EPB41L1: variants seen among roughly 807,000 people sequenced by gnomAD.
EPB41L1 encodes band 4.1-like protein 1.
A neutral mutation model predicts 97.8 loss-of-function variants in EPB41L1; 29 were observed. The ratio of observed to expected loss-of-function variants is 0.30; its 90% CI spans 0.22 to 0.40. The LOEUF (loss-of-function observed/expected upper bound fraction) is 0.40. Ranked by LOEUF, EPB41L1 falls within the 10% of genes least tolerant of loss-of-function variation. EPB41L1 has a pLI of 1.00. For missense variants in EPB41L1, 812 were observed against 1,162.3 expected (o/e 0.70, Z 4.38); for synonymous variants, 383 against 459.2 (o/e 0.83, Z 2.12).
intron 2 of EPB41L1, among the ~76,000 whole-genome samples, chr20:36,135,836 TC>T (rs2059396597): frequency 6.6e-6 from 1 of 152,140 alleles, no homozygotes; most frequent in Non-Finnish European, 1.5e-5. Flanking sequence ...TGAGGTAGGT[TC>T]TCCCACAGGC....
At chr20:36,128,325 G>T (rs2147733317) in intron 2 of EPB41L1, among the ~76,000 whole-genome samples, 1 of 152,256 alleles carries the variant, frequency 6.6e-6, no homozygotes, top group South Asian at 2.1e-4. Context: ...ACTGAGGAGG[G>T]GCCCTAGGCT....
intron 11 of EPB41L1, among the ~76,000 whole-genome samples, chr20:36,192,934 C>A (rs955871193): frequency 6.6e-6 from 1 of 152,160 alleles, no homozygotes; most frequent in African/African-American, 2.4e-5. Context: ...GATACTTTGT[C>A]TGGTATATGA....
intron 17 of EPB41L1, among the ~76,000 whole-genome samples, chr20:36,217,601 G>A (rs1314866704): frequency 6.6e-6 from 1 of 152,188 alleles, no homozygotes; most frequent in African/African-American, 2.4e-5. Context: ...GAGGCTTTAA[G>A]GGAGAACTTC....
intron 2 of EPB41L1, among the ~76,000 whole-genome samples, chr20:36,131,870 T>G (rs2147761025): frequency 6.6e-6 from 1 of 152,252 alleles, no homozygotes; most frequent in East Asian, 1.9e-4. Flanking sequence ...CAAGAATATG[T>G]GGGAGGGGTG....
At chr20:36,214,215 AT>A in intron 16 of EPB41L1, 141 bp from the exon 17 acceptor site, 1 of 649,852 alleles carries the variant, frequency 1.5e-6, no homozygotes, top group South Asian at 1.8e-5. Context: ...CACCTCTGTG[AT>A]TTGGTCTGTG....
intron 2 of EPB41L1, among the ~76,000 whole-genome samples, chr20:36,113,982 C>G (rs951361675): frequency 6.6e-6 from 1 of 152,182 alleles, no homozygotes; most frequent in East Asian, 1.9e-4. Flanking sequence ...CATCAGTTTA[C>G]TGAAGGAGAC....
intron 21 of EPB41L1, among the ~76,000 whole-genome samples, chr20:36,226,111 T>A (rs1046080238): frequency 3.9e-5 from 6 of 152,174 alleles, no homozygotes. Context: ...CTTAATACAG[T>A]CAGACTCACT....
chr20:36,155,149 G>A (rs1392788716), intron 1 of EPB41L1: 1 of 460,436 alleles, frequency 2.2e-6, no homozygotes, highest in South Asian at 1.5e-5. Flanking sequence ...GATGAGCGGT[G>A]GGTGGGCGCT....
intron 2 of EPB41L1, among the ~76,000 whole-genome samples, chr20:36,138,549 A>G (rs1402214241): frequency 2.0e-5 from 3 of 152,232 alleles, no homozygotes. Flanking sequence ...GGCATGAGCC[A>G]CCACATCCAG....
chr20:36,174,278 T>G (rs560818847), intron 2 of EPB41L1, among the ~76,000 whole-genome samples: 3 of 151,810 alleles, frequency 2.0e-5, no homozygotes, highest in Admixed American at 6.6e-5. Context: ...CTTTTTTTTT[T>G]TTAATTGAGT....
chr20:36,220,747 A>C (rs2063732670), intron 19 of EPB41L1, among the ~76,000 whole-genome samples: 1 of 152,126 alleles, frequency 6.6e-6, no homozygotes, highest in African/African-American at 2.4e-5. Context: ...AAAGGAGGGA[A>C]GCCTTCCTGG....
At chr20:36,135,263 A>G (rs908692521) in intron 2 of EPB41L1, among the ~76,000 whole-genome samples, 3 of 152,102 alleles carry the variant, frequency 2.0e-5, no homozygotes, top group Admixed American at 1.3e-4. Context: ...GGTCATTCCC[A>G]TTGTACAGTT....
chr20:36,183,855 G>C (rs2061568099), intron 6 of EPB41L1, among the ~76,000 whole-genome samples: 1 of 152,116 alleles, frequency 6.6e-6, no homozygotes, highest in South Asian at 2.1e-4. Flanking sequence ...GCACACTGAG[G>C]CTGCACATAC....
At chr20:36,188,714 T>C (rs2061806710) in intron 9 of EPB41L1, among the ~76,000 whole-genome samples, 1 of 149,350 alleles carries the variant, frequency 6.7e-6, no homozygotes, top group Admixed American at 6.7e-5. Flanking sequence ...GTGCAGTGGC[T>C]CATGCCTGTA....
rs2062853565 is a variant in EPB41L1 at position 36,206,964 on chromosome 20, C to G, written c.1669-2524C>G. ...TCCCTCTGAATGTCAGGAAGCCAGT[C>G]AAACCAGACAGAGGCAACTTCCCAC... On this transcript the variant is annotated intron_variant, in intron 14 of 21. Coordinates refer to ENST00000338074, the MANE Select transcript of EPB41L1 (RefSeq NM_012156.2). This position sits in a 1 kb window ranked among gnomAD's most constrained non-coding sequence, Gnocchi z 5.5. 8 of 1,289,996 alleles carry G rather than the reference C, an allele frequency of 6.2e-6. No individual in the cohort carries two copies. The South Asian group carries it at 8.6e-5, about 14-fold the overall frequency. 79.9% of individuals were successfully genotyped at this position (1,289,996 alleles called of 1,614,324 possible). A position where few individuals can be genotyped will look rare whatever the true frequency, so the allele number is the denominator to read the frequency against.
rs1471272466 is a variant in EPB41L1, at chr20:36,214,342, T to G, written c.2185-15T>G. 1 of 1,612,306 alleles carries G rather than the reference T, an allele frequency of 6.2e-7. No individual in the cohort carries two copies. Among genetic ancestry groups the G allele is most frequent in the Admixed American group, 1.7e-5 (1 of 59,978 alleles). ...CCCAGCTCTCCCCAGCTCTAACGAC[T>G]CCTCCTCTGGTCAGCAGGTTGATGG... On this transcript the variant is annotated splice_polypyrimidine_tract_variant and intron_variant, in intron 16 of 21. Coordinates refer to ENST00000338074, the MANE Select transcript of EPB41L1 (RefSeq NM_012156.2).
intron 15 of EPB41L1, among the ~76,000 whole-genome samples, chr20:36,211,606 C>T (rs925010950): frequency 3.9e-5 from 6 of 151,970 alleles, no homozygotes; most frequent in African/African-American, 1.2e-4. Context: ...GTAATCCCAG[C>T]ACTTTGGGAG....
intron 14 of EPB41L1, among the ~76,000 whole-genome samples, chr20:36,198,454 T>A (rs1262759663): frequency 6.6e-6 from 1 of 152,188 alleles, no homozygotes; most frequent in East Asian, 1.9e-4. Flanking sequence ...AGAATCCCAA[T>A]AGCTCTCTCC....
intron 1 of EPB41L1, chr20:36,110,858 C>T (rs2058378375): frequency 6.6e-6 from 1 of 152,166 alleles, no homozygotes; most frequent in Non-Finnish European, 1.5e-5. Flanking sequence ...TCTTTTTTGA[C>T]CTCAACTTCC....
Sources: gnomAD v4.1 joint callset for allele counts (sites outside exome capture counted in the v4.1 genomes callset) on GRCh38, gnomAD v4.1.1 for gene constraint, Gnocchi (gnomAD v3.1) non-coding constraint, MANE v1.5 for transcripts, NCBI Gene and HGNC (gene_info 2026-07-23, HGNC 2026-07-21) for gene names.